Variants in ACYP1 observed in about 807,000 individuals in gnomAD.
ACYP1 encodes acylphosphatase 1.
A neutral mutation model predicts 10.4 loss-of-function variants in ACYP1; 8 were observed. The ratio of observed to expected loss-of-function variants is 0.77; its 90% CI spans 0.45 to 1.38. The LOEUF is 1.38. ACYP1 is among the 40% of genes most tolerant of loss of function. The pLI, the probability that ACYP1 is intolerant of heterozygous loss-of-function variation, is 0.00. For missense variants in ACYP1, 93 were observed against 117.3 expected (o/e 0.79, Z 0.96); for synonymous variants, 38 against 40.8 (o/e 0.93, Z 0.26).
upstream of ACYP1, among the ~76,000 whole-genome samples, chr14:75,064,788 T>C (rs986716944): frequency 6.6e-6 from 1 of 152,140 alleles, no homozygotes; most frequent in African/African-American, 2.4e-5. Context: ...TTGAGTAGGA[T>C]ACATTTAACC....
upstream of ACYP1, among the ~76,000 whole-genome samples, chr14:75,064,844 C>G (rs2139662359): frequency 6.6e-6 from 1 of 152,294 alleles, no homozygotes; most frequent in Non-Finnish European, 1.5e-5. Context: ...TGGGTCATAA[C>G]AATCTGGAAT....
At chr14:75,063,133 A>G (rs930751203) in intron 2 of ACYP1, 5 of 305,042 alleles carry the variant, frequency 1.6e-5, no homozygotes, top group Admixed American at 1.3e-4. Context: ...TCTTCAATCA[A>G]TGTTAGCCTT....
At chr14:75,063,646 CT>C in intron 1 of ACYP1, 85 bp from the exon 2 acceptor site, 1 of 1,091,400 alleles carries the variant, frequency 9.2e-7, no homozygotes, top group South Asian at 1.3e-5. Context: ...ACACCCACCC[CT>C]GTCCATCCTT....
upstream of ACYP1, among the ~76,000 whole-genome samples, chr14:75,065,324 A>G (rs968867108): frequency 5.9e-5 from 9 of 152,242 alleles, no homozygotes; most frequent in African/African-American, 2.2e-4. Context: ...TTGTGACAGT[A>G]GGCACGGAAA....
intron 2 of ACYP1, among the ~76,000 whole-genome samples, chr14:75,058,524 C>T (rs950214783): frequency 6.6e-6 from 1 of 151,210 alleles, no homozygotes; most frequent in African/African-American, 2.5e-5. Flanking sequence ...CCTCCCACCC[C>T]CCAGGAAGAG....
exon 1 of ACYP1, chr14:75,069,434 C>G: frequency 3.1e-6 from 2 of 640,330 alleles, no homozygotes; most frequent in Non-Finnish European, 5.0e-6. Context: ...TCCCGCCCCT[C>G]CCCGGCTCCC....
At chr14:75,059,684 A>C (rs764965525) in intron 2 of ACYP1, among the ~76,000 whole-genome samples, 1 of 152,258 alleles carries the variant, frequency 6.6e-6, no homozygotes. Flanking sequence ...GCCAATAAGC[A>C]CATGAAAAGA....
chr14:75,056,029 C>CA (rs1404886064), intron 2 of ACYP1, among the ~76,000 whole-genome samples: 1 of 151,216 alleles, frequency 6.6e-6, no homozygotes, highest in East Asian at 1.9e-4. Context: ...TGGATGAAAA[C>CA]AAACCTAATA....
In ACYP1 at chr14:75,063,973, G is replaced by A. The variant is rs534102909; in HGVS notation, c.-28C>T. 6 of 996,918 alleles carry A rather than the reference G, an allele frequency of 6.0e-6. No individual in the cohort carries two copies. The highest frequency in any genetic ancestry group is 1.1e-4 in the Admixed American group (2 of 17,878). 61.8% of individuals were successfully genotyped at this position (996,918 alleles called of 1,614,324 possible). On this transcript the variant is annotated 5_prime_UTR_variant, in exon 1 of 3. Transcript: ENST00000238618. Reference sequence around the variant, plus strand: ...GCTCACCCTCCTTGTCTTCCCCACCGGCTGCCAGGATCACTCCGGGACCAC... The same window carrying A: ...GCTCACCCTCCTTGTCTTCCCCACCAGCTGCCAGGATCACTCCGGGACCAC...
At chr14:75,060,058 C>T in intron 2 of ACYP1, 1 of 454,704 alleles carries the variant, frequency 2.2e-6, no homozygotes, top group Non-Finnish European at 3.9e-6. Context: ...GTGCTTAAGA[C>T]CACTGAATTG....
intron 2 of ACYP1, among the ~76,000 whole-genome samples, chr14:75,062,587 G>A (rs538023352): frequency 1.7e-4 from 26 of 150,670 alleles, no homozygotes; most frequent in South Asian, 4.2e-4. Flanking sequence ...AGGCTGAGGC[G>A]GATGGATCAC....
intron 2 of ACYP1, among the ~76,000 whole-genome samples, chr14:75,058,797 A>G (rs904224153): frequency 1.3e-5 from 2 of 152,216 alleles, no homozygotes; most frequent in African/African-American, 4.8e-5. Flanking sequence ...ACAACTGGAT[A>G]TTCATATGCA....
upstream of ACYP1, among the ~76,000 whole-genome samples, chr14:75,065,112 G>A (rs1450817771): frequency 6.6e-6 from 1 of 152,228 alleles, no homozygotes; most frequent in Non-Finnish European, 1.5e-5. Flanking sequence ...ATTGTCAAGG[G>A]GGATGTGGAT....
chr14:75,061,603 ACTAT>A, intron 2 of ACYP1: 2 of 944,648 alleles, frequency 2.1e-6, no homozygotes, highest in Non-Finnish European at 3.1e-6. Context: ...TATGCATACC[ACTAT>A]CTGACCCTTT....
At position 75,056,408 on chromosome 14, in the gene ACYP1, G is replaced by A. The variant is rs577361160; in HGVS notation, c.85-2749C>T. 2.3e-4 allele frequency among the ~76,000 whole-genome samples: 35 copies of A among 151,442 alleles called. 2 individuals are homozygous for A. In the South Asian group the frequency reaches 7.1e-3, roughly 31 times the overall value. ...GTACTTAAAATTCAAATTCTAACCT[G>A]GAAGGAATCTTTGAAACATGAATGT... On this transcript the variant is annotated intron_variant, in intron 2 of 2. Transcript: ENST00000238618.
chr14:75,054,532 T>C (rs530865281), intron 2 of ACYP1, among the ~76,000 whole-genome samples: 1 of 151,630 alleles, frequency 6.6e-6, no homozygotes, highest in Non-Finnish European at 1.5e-5. Flanking sequence ...TATTAAGTCA[T>C]TGATTGTTAA....
intron 2 of ACYP1, among the ~76,000 whole-genome samples, chr14:75,060,850 G>A (rs571798394): frequency 1.3e-5 from 2 of 152,260 alleles, no homozygotes; most frequent in South Asian, 4.1e-4. Flanking sequence ...TGGATCACCT[G>A]AGGTGAGGAG....
Position 75,058,139 on chromosome 14 carries a change from T to C in ACYP1, c.85-4480A>G, listed in dbSNP as rs144958211. Among the ~76,000 whole-genome samples the C allele has an allele frequency of 3.0e-4, 45 of 150,558 alleles. 1 individual carries two copies. The East Asian group carries it at 8.6e-3, about 29-fold the overall frequency. ...GAGGCAGGGGTGGGAAGAGGTGGGG[T>C]ACCAGGCTCTTTTTAACAACCAGTT... On this transcript the variant is annotated intron_variant, in intron 2 of 2. Coordinates refer to ENST00000238618, the MANE Select transcript of ACYP1 (RefSeq NM_001107.5).
intron 2 of ACYP1, among the ~76,000 whole-genome samples, chr14:75,056,655 A>C (rs1246131656): frequency 6.6e-6 from 1 of 151,508 alleles, no homozygotes; most frequent in Non-Finnish European, 1.5e-5. Flanking sequence ...AAACCAAATC[A>C]GGCAACACAG....
Sources: gnomAD v4.1 joint callset for allele counts (sites outside exome capture counted in the v4.1 genomes callset) on GRCh38, gnomAD v4.1.1 for gene constraint, MANE v1.5 for transcripts, NCBI Gene and HGNC (gene_info 2026-07-23, HGNC 2026-07-21) for gene names.